Variants in DPF3 observed in about 807,000 individuals in gnomAD.
DPF3 encodes double PHD fingers 3.
DPF3 carries 18 observed loss-of-function variants against 56.8 expected under a neutral mutation model. The observed-to-expected ratio is 0.32, with a 90% confidence interval of 0.22 to 0.47. DPF3 has a LOEUF of 0.47. DPF3 is among the 20% of genes least tolerant of loss of function. The pLI, the probability that DPF3 is intolerant of heterozygous loss-of-function variation, is 1.00. For missense variants in DPF3, 403 were observed against 488.8 expected, an observed-to-expected ratio of 0.82 and a Z score of 1.65; for synonymous variants, 188 against 180.2, an observed-to-expected ratio of 1.04 and a Z score of -0.35.
intron 3 of DPF3, chr14:72,742,349 G>C (rs1002686204): frequency 1.3e-5 from 2 of 152,260 alleles, no homozygotes; most frequent in Non-Finnish European, 2.9e-5. Context: ...CTGACAGATG[G>C]GGGTGGGAGC....
chr14:72,714,123 G>A (rs374034276), intron 6 of DPF3, among the ~76,000 whole-genome samples: 2 of 152,244 alleles, frequency 1.3e-5, no homozygotes, highest in African/African-American at 2.4e-5. Context: ...GAGACAGAGC[G>A]CGTGAGAGAG....
At chr14:72,680,812 A>T (rs990554925) in intron 7 of DPF3, among the ~76,000 whole-genome samples, 1 of 152,246 alleles carries the variant, frequency 6.6e-6, no homozygotes, top group Non-Finnish European at 1.5e-5. Flanking sequence ...CACACAGGGA[A>T]GGGCCCCTAG....
chr14:72,814,892 G>A (rs570395826), intron 1 of DPF3, among the ~76,000 whole-genome samples: 7 of 152,100 alleles, frequency 4.6e-5, no homozygotes, highest in African/African-American at 1.7e-4. Flanking sequence ...AAGAAAACTT[G>A]GAAGAAACTT....
At chr14:72,629,520 A>T (rs1885043162) in intron 9 of DPF3, 104 bp downstream of exon 9, 1 of 1,115,968 alleles carries the variant, frequency 9.0e-7, no homozygotes, top group Non-Finnish European at 1.3e-6. Flanking sequence ...CCAGGGTAAC[A>T]GGCCCCAGGG....
intron 1 of DPF3, among the ~76,000 whole-genome samples, chr14:72,815,490 A>C (rs1883245715): frequency 1.3e-5 from 2 of 152,250 alleles, no homozygotes; most frequent in Non-Finnish European, 2.9e-5. Context: ...GCTCAAAAGA[A>C]ATAAAAACAT....
At chr14:72,842,828 C>G (rs2140070596) in intron 1 of DPF3, among the ~76,000 whole-genome samples, 1 of 152,254 alleles carries the variant, frequency 6.6e-6, no homozygotes, top group East Asian at 1.9e-4. Flanking sequence ...TTAAGACCAG[C>G]CTGGCCAACA....
intron 8 of DPF3, among the ~76,000 whole-genome samples, chr14:72,666,063 C>T (rs975655265): frequency 6.6e-6 from 1 of 152,146 alleles, no homozygotes; most frequent in African/African-American, 2.4e-5. Context: ...AATGGCTTTT[C>T]CTATATTGCT....
intron 3 of DPF3, among the ~76,000 whole-genome samples, chr14:72,741,577 G>A (rs1728461097): frequency 1.3e-5 from 2 of 152,236 alleles, no homozygotes; most frequent in South Asian, 2.1e-4. Context: ...CTCTGGCGGA[G>A]CCTCCCTCAT....
Position 72,672,452 on chromosome 14 carries a change from T to C in DPF3, c.871+1788A>G, listed in dbSNP as rs57298698. ...CACCTGCCTTAACAAGCACATCTCA[T>C]CTCATGGGCCAATGACACCTGTTTC... On this transcript the variant is annotated intron_variant, in intron 8 of 10. Transcript: ENST00000556509. 7.6e-3 allele frequency among the ~76,000 whole-genome samples: 1,156 copies of C among 152,208 alleles called. 15 individuals carry two copies. Among genetic ancestry groups the C allele is most frequent in the African/African-American group, 0.027 (1,119 of 41,532 alleles).
At chr14:72,781,081 T>G (rs1026183690) in intron 1 of DPF3, among the ~76,000 whole-genome samples, 5 of 152,180 alleles carry the variant, frequency 3.3e-5, no homozygotes, top group Admixed American at 2.6e-4. Flanking sequence ...AGGGCATGAA[T>G]GAGAGGGGAC....
Position 72,612,086 on chromosome 14 carries a change from C to T in DPF3, c.*7211G>A, listed in dbSNP as rs146847664. Among the ~76,000 whole-genome samples, 6 of 152,304 alleles carry T rather than the reference C, an allele frequency of 3.9e-5. No individual in the cohort carries two copies. The East Asian group carries it at 1.2e-3, about 29-fold the overall frequency. ...TTAATTTAGCCAGTAACAGCCTGCC[C>T]TGCAATGATTCATGGCAGGCAAAAG... is the stretch of plus-strand genomic sequence containing the variant. On this transcript the variant is annotated 3_prime_UTR_variant, in exon 11 of 11. Transcript: ENST00000556509.
chr14:72,659,415 A>G (rs1331457016), intron 8 of DPF3, among the ~76,000 whole-genome samples: 1 of 152,066 alleles, frequency 6.6e-6, no homozygotes, highest in Non-Finnish European at 1.5e-5. Context: ...TTGGCCTACA[A>G]CCCATTATCA....
chr14:72,679,947 G>A (rs1281574186), intron 7 of DPF3, among the ~76,000 whole-genome samples: 1 of 152,226 alleles, frequency 6.6e-6, no homozygotes, highest in East Asian at 1.9e-4. Flanking sequence ...CTTCCCTGCA[G>A]AATCAGGAGC....
chr14:72,761,290 A>G (rs1035626112), intron 2 of DPF3, among the ~76,000 whole-genome samples: 6 of 152,270 alleles, frequency 3.9e-5, no homozygotes, highest in African/African-American at 1.4e-4. Flanking sequence ...CTGAGCAAAC[A>G]GAATATTTAC....
chr14:72,859,738 AC>A (rs1432189771), intron 1 of DPF3, among the ~76,000 whole-genome samples: 1 of 152,092 alleles, frequency 6.6e-6, no homozygotes, highest in Non-Finnish European at 1.5e-5. Context: ...TCAGCAGTGA[AC>A]AAGACCAAAT....
At chr14:72,756,138 G>A (rs1890779345) in intron 2 of DPF3, among the ~76,000 whole-genome samples, 1 of 152,154 alleles carries the variant, frequency 6.6e-6, no homozygotes, top group African/African-American at 2.4e-5. Flanking sequence ...AGTGGCCAAA[G>A]ACAAGAGGGG....
At chr14:72,786,568 A>G (rs1599440544) in intron 1 of DPF3, among the ~76,000 whole-genome samples, 1 of 152,330 alleles carries the variant, frequency 6.6e-6, no homozygotes, top group East Asian at 1.9e-4. Flanking sequence ...TGCAAAGCCT[A>G]AAATATTTAC....
intron 1 of DPF3, among the ~76,000 whole-genome samples, chr14:72,838,630 C>A (rs890965457): frequency 5.9e-5 from 9 of 151,276 alleles, no homozygotes; most frequent in African/African-American, 2.2e-4. Context: ...GCCGAGGTGG[C>A]GGTGTAATCC....
At chr14:72,804,225 GCAGA>G (rs1362220293) in intron 1 of DPF3, among the ~76,000 whole-genome samples, 31 of 103,042 alleles carry the variant, frequency 3.0e-4, no homozygotes, top group Admixed American at 1.2e-3. Flanking sequence ...ACACACACAC[GCAGA>G]CAAAGATTCC....
Sources: gnomAD v4.1 joint callset for allele counts (sites outside exome capture counted in the v4.1 genomes callset) on GRCh38, gnomAD v4.1.1 for gene constraint, MANE v1.5 for transcripts, NCBI Gene and HGNC (gene_info 2026-07-23, HGNC 2026-07-21) for gene names.